The following IRF5 variants were observed in gnomAD, a reference collection of about 807,000 sequenced individuals.
IRF5 encodes the protein interferon regulatory factor 5.
IRF5 carries 24 observed loss-of-function variants against 55.1 expected under a neutral mutation model. The ratio of observed to expected loss-of-function variants is 0.44; its 90% confidence interval spans 0.32 to 0.61. IRF5 has a LOEUF of 0.61. Ranked by LOEUF, IRF5 falls within the 20% of genes least tolerant of loss-of-function variation. The pLI is 0.07. For synonymous variants in IRF5, 258 were observed against 260.2 expected (o/e 0.99, Z 0.08); for missense variants, 499 against 658.5 (o/e 0.76, Z 2.65).
rs1406179842 is a variant in IRF5 at position 128,949,019 on chromosome 7, G to A, written c.*201G>A. 6 of 627,748 alleles carry A rather than the reference G, an allele frequency of 9.6e-6. No homozygotes were observed. The highest frequency in any genetic ancestry group is 1.1e-5 in the Non-Finnish European group (4 of 366,460). 38.9% of individuals were successfully genotyped at this position (627,748 alleles called of 1,614,324 possible). A position where few individuals can be genotyped will look rare whatever the true frequency, so the allele number is the denominator to read the frequency against. On this transcript the variant is annotated 3_prime_UTR_variant, in exon 9 of 9. Coordinates refer to ENST00000357234, the MANE Select transcript of IRF5 (RefSeq NM_001098629.3). ...GCCTTTCTCTCCTGGGCTGTCTCTGGTCTGGTCAGCCTGGCTCTCGGGAAA... is the reference window on the plus strand; with the variant it reads ...GCCTTTCTCTCCTGGGCTGTCTCTGATCTGGTCAGCCTGGCTCTCGGGAAA...
In IRF5 at chr7:128,946,660, T is replaced by C. The variant is rs1226881904; in HGVS notation, c.447+98T>C. The C allele has an allele frequency of 5.0e-6, 4 of 801,192 alleles. No individual in the cohort carries two copies. The Admixed American group carries it at 6.1e-5, about 12-fold the overall frequency. 49.6% of individuals were successfully genotyped at this position (801,192 alleles called of 1,614,324 possible). A position where few individuals can be genotyped will look rare whatever the true frequency, so the allele number is the denominator to read the frequency against. On this transcript the variant is annotated intron_variant, in intron 4 of 8. Transcript: ENST00000357234. The surrounding 1 kb of genome is among the most constrained non-coding windows in gnomAD (Gnocchi z 4.2). Reference sequence around the variant, plus strand: ...GCAGCCCCACTCCCATGGAGCCCCGTGGCCCTCTCAATAGTTCTCCTTGTT... The same window carrying C: ...GCAGCCCCACTCCCATGGAGCCCCGCGGCCCTCTCAATAGTTCTCCTTGTT...
chr7:128,945,754 C>G (rs1796265513), intron 2 of IRF5, 91 bp from the exon 3 acceptor site: 1 of 1,304,090 alleles, frequency 7.7e-7, no homozygotes, highest in South Asian at 1.4e-5. Context: ...AAGTTCTCCC[C>G]ACACAGTAGA....
Sources: allele counts gnomAD v4.1 joint callset, GRCh38; gene constraint gnomAD v4.1.1; non-coding constraint Gnocchi (gnomAD v3.1); transcripts MANE v1.5; gene names NCBI Gene and HGNC (gene_info 2026-07-23, HGNC 2026-07-21).